REDIC1: variants seen among roughly 807,000 people sequenced by gnomAD.
The protein encoded by REDIC1 is HEI10 Interacting Protein 1.
the REDIC1 span, among the ~76,000 whole-genome samples, chr12:39,795,181 G>C: frequency 2.7e-5 from 4 of 149,552 alleles, no homozygotes; most frequent in East Asian, 5.9e-4. Flanking sequence ...CTTATATCTT[G>C]ATCTCCCCCC....
chr12:39,757,749 A>G, the REDIC1 span: 1 of 152,190 alleles, frequency 6.6e-6, no homozygotes, highest in Non-Finnish European at 1.5e-5. Flanking sequence ...TTCTTATATC[A>G]GGGAGAACAG....
the REDIC1 span, among the ~76,000 whole-genome samples, chr12:39,751,248 C>G: frequency 6.6e-6 from 1 of 152,084 alleles, no homozygotes; most frequent in Admixed American, 6.6e-5. Context: ...AGGATATGAA[C>G]AGACACTTCT....
the REDIC1 span, among the ~76,000 whole-genome samples, chr12:39,885,597 A>G: frequency 6.6e-6 from 1 of 152,138 alleles, no homozygotes; most frequent in Non-Finnish European, 1.5e-5. Context: ...TGAATATTAT[A>G]TTACCACCGA....
At chr12:39,631,366 A>G in the REDIC1 span, among the ~76,000 whole-genome samples, 1 of 152,188 alleles carries the variant, frequency 6.6e-6, no homozygotes, top group Admixed American at 6.5e-5. Context: ...TCTGCACAAG[A>G]TTTAATTTTG....
At chr12:39,845,450 T>C in the REDIC1 span, among the ~76,000 whole-genome samples, 2 of 152,242 alleles carry the variant, frequency 1.3e-5, no homozygotes, top group Admixed American at 6.5e-5. Context: ...GACAACATAA[T>C]CAAAGGAAGA....
At chr12:39,766,190 C>T in the REDIC1 span, among the ~76,000 whole-genome samples, 38 of 152,084 alleles carry the variant, frequency 2.5e-4, no homozygotes, top group African/African-American at 8.9e-4. Context: ...ATTATCCTTT[C>T]AGTATTCGTT....
the REDIC1 span, among the ~76,000 whole-genome samples, chr12:39,702,738 G>A: frequency 3.3e-5 from 5 of 152,196 alleles, no homozygotes; most frequent in African/African-American, 1.2e-4. Flanking sequence ...TATCCACCAT[G>A]ATGAAGTGGA....
the REDIC1 span, among the ~76,000 whole-genome samples, chr12:39,735,037 T>C: frequency 6.6e-6 from 1 of 152,238 alleles, no homozygotes; most frequent in Non-Finnish European, 1.5e-5. Flanking sequence ...TAGAGTGCGC[T>C]TCTTGAGAAA....
chr12:39,864,399 C>T, the REDIC1 span, among the ~76,000 whole-genome samples: 2 of 152,304 alleles, frequency 1.3e-5, no homozygotes, highest in Middle Eastern at 3.4e-3. Flanking sequence ...AGTTTGATTA[C>T]TGATTAAAGT....
the REDIC1 span, among the ~76,000 whole-genome samples, chr12:39,672,882 G>A: frequency 2.0e-4 from 31 of 152,264 alleles, no homozygotes; most frequent in African/African-American, 6.7e-4. Context: ...ATGCCCTGAA[G>A]GAGCTGCTTC....
the REDIC1 span, among the ~76,000 whole-genome samples, chr12:39,851,337 T>C: frequency 6.2e-4 from 94 of 152,304 alleles, no homozygotes; most frequent in African/African-American, 2.1e-3. Flanking sequence ...TGAGAATGGA[T>C]TTATGACATA....
the REDIC1 span, among the ~76,000 whole-genome samples, chr12:39,700,617 A>T: frequency 1.3e-5 from 2 of 152,086 alleles, no homozygotes; most frequent in Admixed American, 6.5e-5. Flanking sequence ...GAAGAGCAAC[A>T]CCAAGACACA....
chr12:39,883,887 G>A, the REDIC1 span, among the ~76,000 whole-genome samples: 2 of 152,142 alleles, frequency 1.3e-5, no homozygotes, highest in African/African-American at 2.4e-5. Flanking sequence ...GTATATTCAC[G>A]TAGAATCTCA....
the REDIC1 span, among the ~76,000 whole-genome samples, chr12:39,888,991 G>A: frequency 7.9e-5 from 12 of 151,838 alleles, no homozygotes; most frequent in Admixed American, 5.2e-4. Context: ...AATACAAGTC[G>A]GGATTCAATA....
At chr12:39,866,511 C>T in the REDIC1 span, among the ~76,000 whole-genome samples, 3 of 151,796 alleles carry the variant, frequency 2.0e-5, no homozygotes, top group Admixed American at 6.6e-5. Flanking sequence ...GACGGAGTCT[C>T]GCTGTCGCCC....
the REDIC1 span, chr12:39,871,684 TG>T: frequency 9.1e-7 from 1 of 1,093,296 alleles, no homozygotes; most frequent in African/African-American, 1.6e-5. Flanking sequence ...ATTTTTTTGT[TG>T]TTTGGCTGAG....
chr12:39,884,665 A>C, the REDIC1 span, among the ~76,000 whole-genome samples: 1 of 152,202 alleles, frequency 6.6e-6, no homozygotes, highest in Non-Finnish European at 1.5e-5. Context: ...CGCCATACAT[A>C]TAACAAGGAC....
At chr12:39,846,837 G>A in the REDIC1 span, among the ~76,000 whole-genome samples, 4 of 152,100 alleles carry the variant, frequency 2.6e-5, no homozygotes, top group Non-Finnish European at 4.4e-5. Flanking sequence ...GGATAAAAGA[G>A]AATCCATGCA....
At chr12:39,673,033 G>A in the REDIC1 span, among the ~76,000 whole-genome samples, 2 of 152,222 alleles carry the variant, frequency 1.3e-5, no homozygotes, top group East Asian at 3.9e-4. Flanking sequence ...ATAGGAGTCT[G>A]TGATGAGAAT....
Sources: allele counts gnomAD v4.1 joint callset (sites outside exome capture counted in the v4.1 genomes callset), GRCh38; gene constraint gnomAD v4.1.1; transcripts MANE v1.5; gene names NCBI Gene and HGNC (gene_info 2026-07-23, HGNC 2026-07-21).